The following ZC3H18 variants were observed in gnomAD, a reference collection of about 807,000 sequenced individuals.
ZC3H18 encodes the protein zinc finger CCCH domain-containing protein 18.
A neutral mutation model predicts 106.1 loss-of-function variants in ZC3H18; 8 were observed. That is an observed-to-expected ratio of 0.08 (90% CI 0.04 to 0.14). The LOEUF (loss-of-function observed/expected upper bound fraction) is 0.14, where lower values mean the gene tolerates loss of function less well. ZC3H18 is among the 10% of genes least tolerant of loss of function. The probability of loss-of-function intolerance (pLI) is 1.00; values close to 1 mark genes in which losing one functional copy is unlikely to be tolerated. For missense variants in ZC3H18, 1,318 were observed against 1,278.4 expected, an observed-to-expected ratio of 1.03 and a Z score of -0.47; for synonymous variants, 635 against 522.1, an observed-to-expected ratio of 1.22 and a Z score of -2.95.
chr16:88,602,122 T>A (rs1168537698), intron 6 of ZC3H18, among the ~76,000 whole-genome samples: 1 of 152,136 alleles, frequency 6.6e-6, no homozygotes, highest in Non-Finnish European at 1.5e-5. Flanking sequence ...TGGGTCCTCT[T>A]GTCACCCAGC....
chr16:88,582,122 C>G (rs1343496933), intron 2 of ZC3H18, among the ~76,000 whole-genome samples: 2 of 151,442 alleles, frequency 1.3e-5, no homozygotes, highest in East Asian at 3.9e-4. Flanking sequence ...TGACTCCTGT[C>G]ATAATTGGTA....
intron 8 of ZC3H18, among the ~76,000 whole-genome samples, chr16:88,612,532 C>T (rs1392553685): frequency 1.3e-5 from 2 of 150,688 alleles, no homozygotes; most frequent in African/African-American, 4.9e-5. Flanking sequence ...TAAAAATTAG[C>T]TGGGGGAGGT....
At chr16:88,622,896 A>T (rs2068677296) in intron 9 of ZC3H18, 1 of 365,684 alleles carries the variant, frequency 2.7e-6, no homozygotes, top group African/African-American at 2.1e-5. Context: ...GTGGATGCAG[A>T]TGAACAGATA....
chr16:88,598,321 C>T lies in ZC3H18; in HGVS notation c.832C>T (p.Pro278Ser). The T allele has an allele frequency of 6.3e-7, 1 of 1,597,136 alleles. No individual in the cohort carries two copies. The highest frequency in any genetic ancestry group is 8.5e-7 in the Non-Finnish European group (1 of 1,174,622). The change falls in exon 4 of 18, where the codon CCT (proline) becomes TCT (serine). Residue 278 changes from proline to serine, a missense_variant. Physicochemically the swap from Pro to Ser is moderately conservative, Grantham distance 74 (BLOSUM62 -1). Around this residue, in one of 6 missense-constraint regions of ZC3H18, gnomAD observed 78 missense variants for 67.3 expected, o/e 1.16. Coordinates refer to ENST00000301011, the MANE Select transcript of ZC3H18 (RefSeq NM_144604.4). Reference sequence around the variant, plus strand: ...ACCTCACCCGCTGATGCCCGCCAACCCTTGGGTGCGTGATGCCTCTTCTTT... The same window carrying T: ...ACCTCACCCGCTGATGCCCGCCAACTCTTGGGTGCGTGATGCCTCTTCTTT... The part of the protein sequence containing the change: ...LGPHPLMPAN[P>S]WGGPVVDEIL...
intron 1 of ZC3H18, among the ~76,000 whole-genome samples, chr16:88,575,443 A>G (rs1914687932): frequency 6.6e-6 from 1 of 151,996 alleles, no homozygotes; most frequent in Admixed American, 6.6e-5. Flanking sequence ...TGAACAGTCA[A>G]GTGACCGCTG....
chr16:88,620,946 A>G lies in ZC3H18; in HGVS notation c.1476-1251A>G, dbSNP rs555957254. Among the ~76,000 whole-genome samples, 22 of 152,326 alleles carry G rather than the reference A, an allele frequency of 1.4e-4. No individual in the cohort carries two copies. In the South Asian group the frequency reaches 3.5e-3, roughly 24 times the overall value. On this transcript the variant is annotated intron_variant, in intron 8 of 17. Transcript: ENST00000301011. ...AGTGGCGCAGTCTCAGCTCACTGCA[A>G]TCTCTGCCTCCTGGGTTCAAACCAT...
At chr16:88,625,861 T>TTG (rs1469598862) in intron 13 of ZC3H18, 2 of 148,766 alleles carry the variant, frequency 1.3e-5, no homozygotes, top group South Asian at 2.1e-4. Context: ...TTTTTTTTTT[T>TTG]GAGACAGTTT....
intron 2 of ZC3H18, among the ~76,000 whole-genome samples, chr16:88,583,052 G>A (rs1237977165): frequency 6.6e-6 from 1 of 152,268 alleles, no homozygotes; most frequent in Non-Finnish European, 1.5e-5. Context: ...TCAGGAGGTT[G>A]TGGTTGGCCT....
intron 5 of ZC3H18, among the ~76,000 whole-genome samples, chr16:88,599,018 C>T (rs1904603676): frequency 6.6e-6 from 1 of 152,154 alleles, no homozygotes; most frequent in Non-Finnish European, 1.5e-5. Flanking sequence ...GCCACCAGGC[C>T]CGGAAGGATG....
rs893721430 is a variant in ZC3H18, at chr16:88,624,197, G to T, written c.1898+135G>T. On this transcript the variant is annotated intron_variant, in intron 11 of 17. Transcript: ENST00000301011. ...TGCCTCAGGGGGCTGGCCCCAGGGGGTGACTGGGCTGGGAGGCACTGGGCA... is the reference window on the plus strand; with the variant it reads ...TGCCTCAGGGGGCTGGCCCCAGGGGTTGACTGGGCTGGGAGGCACTGGGCA... 78 of 1,265,672 alleles carry T rather than the reference G, an allele frequency of 6.2e-5. No homozygotes were observed. The African/African-American group carries it at 1.0e-3, about 17-fold the overall frequency. 78.4% of individuals were successfully genotyped at this position (1,265,672 alleles called of 1,614,324 possible). A position where few individuals can be genotyped will look rare whatever the true frequency, so the allele number is the denominator to read the frequency against.
At chr16:88,590,065 T>C (rs181425252) in intron 3 of ZC3H18, among the ~76,000 whole-genome samples, 85 of 152,312 alleles carry the variant, frequency 5.6e-4, no homozygotes, top group Middle Eastern at 3.4e-3. Flanking sequence ...GGAGGATCAC[T>C]TGAGCCCAGG....
Position 88,627,951 on chromosome 16 carries a change from G to C in ZC3H18, c.2301G>C (p.Glu767Asp), listed in dbSNP as rs1217327487. Residue 767 changes from glutamate to aspartate, a missense_variant, in exon 15 of 18, where the codon GAG becomes GAC. Around this residue, in one of 6 missense-constraint regions of ZC3H18, gnomAD observed 848 missense variants for 821.7 expected, o/e 1.03. Coordinates refer to ENST00000301011, the MANE Select transcript of ZC3H18 (RefSeq NM_144604.4). This position sits in a 1 kb window ranked among gnomAD's most constrained non-coding sequence, Gnocchi z 4.5. ...CTAAGAAAGAAGACGGTGTTAAAGAGGAAAAGCGGAAAAGGGATTCGTCCA... is the reference window on the plus strand; with the variant it reads ...CTAAGAAAGAAGACGGTGTTAAAGACGAAAAGCGGAAAAGGGATTCGTCCA... Reference protein sequence around the residue: ...GKSKKEDGVKEEKRKRDSSTQ... With the variant: ...GKSKKEDGVKDEKRKRDSSTQ... 1.2e-6 allele frequency: 2 copies of C among 1,614,000 alleles called. No individual in the cohort carries two copies. The highest frequency in any genetic ancestry group is 2.7e-5 in the African/African-American group (2 of 74,922).
intron 6 of ZC3H18, among the ~76,000 whole-genome samples, chr16:88,603,858 C>A (rs1221046312): frequency 6.7e-6 from 1 of 150,290 alleles, no homozygotes; most frequent in Admixed American, 6.6e-5. Context: ...TGGTCTCGAT[C>A]TCCTGACCTT....
At chr16:88,620,739 C>T (rs1391164608) in intron 8 of ZC3H18, among the ~76,000 whole-genome samples, 1 of 152,038 alleles carries the variant, frequency 6.6e-6, no homozygotes, top group Admixed American at 6.6e-5. Flanking sequence ...ATCTGATAAC[C>T]CACCAAGAAC....
chr16:88,623,776 C>T lies in ZC3H18; in HGVS notation c.1794-182C>T. 5.1e-6 allele frequency: 6 copies of T among 1,176,102 alleles called. No individual in the cohort carries two copies. The South Asian group carries it at 6.0e-5, about 12-fold the overall frequency. 72.9% of individuals were successfully genotyped at this position (1,176,102 alleles called of 1,614,324 possible). A position where few individuals can be genotyped will look rare whatever the true frequency, so the allele number is the denominator to read the frequency against. ...TGGATGCTGACACCTTCCACGCTCT[C>T]TGGTCTACTCTGGGCCTGTGTTTTT... On this transcript the variant is annotated intron_variant, in intron 10 of 17. Coordinates refer to ENST00000301011, the MANE Select transcript of ZC3H18 (RefSeq NM_144604.4).
chr16:88,628,892 C>T (rs4782387), intron 16 of ZC3H18, 38 bp downstream of exon 16: 864,708 of 1,609,638 alleles, frequency 0.54, 235,249 homozygotes, highest in Admixed American at 0.65. Flanking sequence ...GGCAGAGGGA[C>T]GGGAGCCTGG....
At position 88,630,760 on chromosome 16, in the gene ZC3H18, CCCCCCACA is replaced by C. The variant is rs1464389844; in HGVS notation, c.2663+181_2663+188del. 7.4e-5 allele frequency among the ~76,000 whole-genome samples: 8 copies of C among 108,388 alleles called. 1 individual carries two copies. In the East Asian group the frequency reaches 1.9e-3, roughly 25 times the overall value. The allele number at this position is 108,388 out of a possible 152,430, so 71.1% of individuals were successfully genotyped here. On this transcript the variant is annotated intron_variant, in intron 17 of 17. Coordinates refer to ENST00000301011, the MANE Select transcript of ZC3H18 (RefSeq NM_144604.4). ...CGAATTGCAGCCCCACCCCCCACCC[CCCCCCACA>C]CACACACACACGCTCCTGCCCTGGT...
At chr16:88,617,022 A>G (rs1461188363) in intron 8 of ZC3H18, among the ~76,000 whole-genome samples, 2 of 152,148 alleles carry the variant, frequency 1.3e-5, no homozygotes, top group Non-Finnish European at 2.9e-5. Context: ...TTTGGGTGCC[A>G]TGGGTGTCCT....
At chr16:88,582,437 T>A (rs1263152628) in intron 2 of ZC3H18, among the ~76,000 whole-genome samples, 1 of 152,124 alleles carries the variant, frequency 6.6e-6, no homozygotes, top group Non-Finnish European at 1.5e-5. Context: ...TTGGCCAGGC[T>A]GGTCTTGACC....
Sources: allele counts gnomAD v4.1 joint callset (sites outside exome capture counted in the v4.1 genomes callset), GRCh38; gene constraint gnomAD v4.1.1; regional missense constraint gnomAD v4.1.1; non-coding constraint Gnocchi (gnomAD v3.1); transcripts MANE v1.5; gene names NCBI Gene and HGNC (gene_info 2026-07-23, HGNC 2026-07-21).